Variants in MCM6 observed in about 807,000 individuals in gnomAD.
MCM6 encodes DNA replication licensing factor MCM6.
In MCM6, 46 loss-of-function variants were observed where a neutral mutation model predicts 94.3. That is an observed-to-expected ratio of 0.49 (90% confidence interval 0.39 to 0.62). The LOEUF (loss-of-function observed/expected upper bound fraction) is 0.62, where lower values mean the gene tolerates loss of function less well. Among genes scored for constraint, MCM6 ranks in the 20% least tolerant of loss-of-function variants. MCM6 has a pLI of 0.00. For missense variants in MCM6, 865 were observed against 1,017.9 expected, an observed-to-expected ratio of 0.85 and a Z score of 2.04; for synonymous variants, 335 against 351.9, an observed-to-expected ratio of 0.95 and a Z score of 0.54.
In MCM6 at chr2:135,870,290, T is replaced by A. The variant is rs1680176201; in HGVS notation, c.326A>T (p.Asp109Val). The A allele has an allele frequency of 6.2e-7, 1 of 1,613,870 alleles. No homozygotes were observed. Among genetic ancestry groups the A allele is most frequent in the African/African-American group, 1.3e-5 (1 of 74,906 alleles). ...KDRKEIPLAK[D>V]FYVAFQDLPT... Reference sequence around the variant, plus strand: ...CAGGTCTTGGAATGCAACATAAAAATCCTTGGCAAGAGGGATCTCTTTACG... The same window carrying A: ...CAGGTCTTGGAATGCAACATAAAAAACCTTGGCAAGAGGGATCTCTTTACG... Residue 109 changes from aspartate (D) to valine (V), a missense_variant, in exon 3 of 17, where the codon GAT (aspartate) becomes GTT (valine). Transcript: ENST00000264156.
In MCM6 at chr2:135,866,225, T is replaced by A. The variant is rs1399381519; in HGVS notation, c.834A>T (p.Thr278=). 1.2e-6 allele frequency: 2 copies of A among 1,614,108 alleles called. No individual in the cohort carries two copies. Among genetic ancestry groups the A allele is most frequent in the Non-Finnish European group, 1.7e-6 (2 of 1,180,026 alleles). The change falls in exon 6 of 17, where the codon ACA becomes ACT. Residue 278 remains threonine (T), a synonymous_variant. Coordinates refer to ENST00000264156, the MANE Select transcript of MCM6 (RefSeq NM_005915.6). ...GGGCCCGGAGTCCTCGAATGCCTTC[T>A]GTCTCATATCCATCAACACCACTGA... is the stretch of plus-strand genomic sequence containing the variant. ...SRVSGVDGYE[T]EGIRGLRALG...
At chr2:135,868,243 C>T (rs1256073350) in intron 4 of MCM6, among the ~76,000 whole-genome samples, 1 of 152,180 alleles carries the variant, frequency 6.6e-6, no homozygotes, top group Non-Finnish European at 1.5e-5. Context: ...CCAAGCTAGC[C>T]TGTCCTATTC....
intron 11 of MCM6, among the ~76,000 whole-genome samples, chr2:135,853,498 G>A (rs561949206): frequency 5.8e-4 from 88 of 152,216 alleles, no homozygotes; most frequent in African/African-American, 2.1e-3. Flanking sequence ...CTCAGTGTAT[G>A]AGACACTGTT....
At position 135,876,249 on chromosome 2, in the gene MCM6, G is replaced by A. The variant is rs768592533; in HGVS notation, c.107+10C>T. 3 of 1,585,662 alleles carry A rather than the reference G, an allele frequency of 1.9e-6. No individual in the cohort carries two copies. The highest frequency in any genetic ancestry group is 4.7e-5 in the East Asian group (2 of 42,168). On this transcript the variant is annotated intron_variant, in intron 1 of 16. Coordinates refer to ENST00000264156, the MANE Select transcript of MCM6 (RefSeq NM_005915.6). The stretch of plus-strand genomic sequence containing the variant: ...GAGGCGGGCGAGGCCCGGGGCGCTC[G>A]CCGACTTACTCCTCCAAGAAGTCCA...
Position 135,846,393 on chromosome 2 carries a change from C to G in MCM6, c.2054-1G>C. The stretch of plus-strand genomic sequence containing the variant: ...ACAGGAGCAGGGCTGTCAGCATGAC[C>G]TAAGTGAAAAATTGACCACCTGAAT... On this transcript the variant is annotated splice_acceptor_variant, in intron 14 of 16. Coordinates refer to ENST00000264156, the MANE Select transcript of MCM6 (RefSeq NM_005915.6). LOFTEE classifies it high-confidence loss of function. 6.2e-7 allele frequency: 1 copy of G among 1,613,838 alleles called. No individual in the cohort carries two copies. Among genetic ancestry groups the G allele is most frequent in the Non-Finnish European group, 8.5e-7 (1 of 1,179,832 alleles).
chr2:135,873,065 T>A (rs1379823108), intron 1 of MCM6, among the ~76,000 whole-genome samples: 1 of 152,102 alleles, frequency 6.6e-6, no homozygotes, highest in African/African-American at 2.4e-5. Context: ...AGGCACCTGG[T>A]GGGAGTTAAT....
chr2:135,853,490 C>G (rs1325158895), intron 11 of MCM6, among the ~76,000 whole-genome samples: 1 of 152,108 alleles, frequency 6.6e-6, no homozygotes, highest in Non-Finnish European at 1.5e-5. Context: ...ATAGGGCCCT[C>G]AGTGTATGAG....
At chr2:135,868,551 G>T in intron 4 of MCM6, 60 bp downstream of exon 4, 4 of 1,542,946 alleles carry the variant, frequency 2.6e-6, no homozygotes, top group Non-Finnish European at 3.6e-6. Context: ...TATTGCAAGG[G>T]CCTAGAAGTG....
At chr2:135,850,276 C>T (rs1679749153) in intron 13 of MCM6, among the ~76,000 whole-genome samples, 1 of 152,062 alleles carries the variant, frequency 6.6e-6, no homozygotes, top group African/African-American at 2.4e-5. Context: ...TTGTGATGCT[C>T]TATTCTCCCT....
intron 7 of MCM6, 132 bp from the exon 8 acceptor site, chr2:135,862,880 T>A: frequency 2.4e-6 from 2 of 826,430 alleles, no homozygotes; most frequent in Non-Finnish European, 3.8e-6. Context: ...AAAACTGGAG[T>A]AATAACACCT....
Position 135,866,271 on chromosome 2 carries a change from C to G in MCM6, c.788G>C (p.Arg263Pro). 6.2e-7 allele frequency: 1 copy of G among 1,614,030 alleles called. No individual in the cohort carries two copies. Reference protein sequence around the residue: ...DVSKLSTPGARAETNSRVSGV... With the variant: ...DVSKLSTPGAPAETNSRVSGV... Reference sequence around the variant, plus strand: ...ACTGACACGGGAATTAGTTTCTGCACGTGCTCCTGAAACAGAATGATAGGT... The same window carrying G: ...ACTGACACGGGAATTAGTTTCTGCAGGTGCTCCTGAAACAGAATGATAGGT... Residue 263 changes from arginine (R) to proline (P), a missense_variant, in exon 6 of 17, where the codon CGT becomes CCT. Transcript: ENST00000264156.
intron 8 of MCM6, among the ~76,000 whole-genome samples, chr2:135,860,949 C>T (rs1679980480): frequency 6.6e-6 from 1 of 152,114 alleles, no homozygotes; most frequent in African/African-American, 2.4e-5. Flanking sequence ...AGATTTTATA[C>T]ATAGAAAATG....
chr2:135,851,653 C>A, intron 12 of MCM6, 90 bp from the exon 13 acceptor site: 1 of 1,148,152 alleles, frequency 8.7e-7, no homozygotes, highest in Non-Finnish European at 1.2e-6. Flanking sequence ...CAGGTGGAAA[C>A]ATTTAGGGAA....
chr2:135,854,103 T>G (rs900903004), intron 11 of MCM6, among the ~76,000 whole-genome samples: 1 of 152,184 alleles, frequency 6.6e-6, no homozygotes, highest in African/African-American at 2.4e-5. Context: ...GGCCTGCACC[T>G]GTAGTTCCAG....
intron 7 of MCM6, 105 bp from the exon 8 acceptor site, chr2:135,862,853 C>G: frequency 8.3e-7 from 1 of 1,208,282 alleles, no homozygotes; most frequent in Non-Finnish European, 1.2e-6. Context: ...AAGGCAGAGT[C>G]AGCTAAAGCA....
At position 135,850,967 on chromosome 2, in the gene MCM6, G is replaced by A. The variant is rs531916956; in HGVS notation, c.1917+435C>T. ...TTTCGTACTACTCCCCTTTTACCTC[G>A]TTAATACCCACTGACCTATCCTCGT... is the stretch of plus-strand genomic sequence containing the variant. On this transcript the variant is annotated intron_variant, in intron 13 of 16. Transcript: ENST00000264156. Among the ~76,000 whole-genome samples the A allele has an allele frequency of 1.2e-4, 18 of 152,240 alleles. No homozygotes were observed. In the South Asian group the frequency reaches 2.9e-3, roughly 25 times the overall value.
At chr2:135,844,289 G>A (rs978574735) in intron 16 of MCM6, among the ~76,000 whole-genome samples, 1 of 152,090 alleles carries the variant, frequency 6.6e-6, no homozygotes, top group African/African-American at 2.4e-5. Flanking sequence ...ATGGGAAACA[G>A]AAGCTTAAAA....
chr2:135,848,163 G>A lies in MCM6; in HGVS notation c.1943C>T (p.Ala648Val). The A allele has an allele frequency of 6.2e-7, 1 of 1,612,212 alleles. No individual in the cohort carries two copies. Among genetic ancestry groups the A allele is most frequent in the South Asian group, 1.1e-5 (1 of 91,000 alleles). Reference protein sequence around the residue: ...DEVQPKHVKEAFRLLNKSIIR... With the variant: ...DEVQPKHVKEVFRLLNKSIIR... The stretch of plus-strand genomic sequence containing the variant: ...GATTGATTTATTCAGTAACCGGAAA[G>A]CTTCCTTCACATGTTTAGGTTGGAC... The change falls in exon 14 of 17, where the codon GCT becomes GTT. Residue 648 changes from alanine (A) to valine (V), a missense_variant. This residue lies in a region of MCM6 where 308 missense variants were observed against 324.5 expected (regional missense o/e 0.95). Coordinates refer to ENST00000264156, the MANE Select transcript of MCM6 (RefSeq NM_005915.6).
At position 135,851,079 on chromosome 2, in the gene MCM6, A is replaced by G. The variant is rs41456145; in HGVS notation, c.1917+323T>C. 2.0e-4 allele frequency among the ~76,000 whole-genome samples: 31 copies of G among 152,318 alleles called. 1 individual carries two copies. The highest frequency in any genetic ancestry group is 8.5e-4 in the Admixed American group (13 of 15,292). The stretch of plus-strand genomic sequence containing the variant: ...GAGAGTTCCTTTGAGGCCAGGGGCT[A>G]CATTATCTTATCTGTATTGCCAGCG... On this transcript the variant is annotated intron_variant, in intron 13 of 16. Coordinates refer to ENST00000264156, the MANE Select transcript of MCM6 (RefSeq NM_005915.6).
Sources: allele counts gnomAD v4.1 joint callset (sites outside exome capture counted in the v4.1 genomes callset), GRCh38; gene constraint gnomAD v4.1.1; regional missense constraint gnomAD v4.1.1; transcripts MANE v1.5; gene names NCBI Gene and HGNC (gene_info 2026-07-23, HGNC 2026-07-21).